POU6F2: variants seen among roughly 807,000 people sequenced by gnomAD.
POU6F2 encodes the protein POU domain, class 6, transcription factor 2.
POU6F2 carries 31 observed loss-of-function variants against 71.3 expected under a neutral mutation model. The ratio of observed to expected loss-of-function variants is 0.43; its 90% CI spans 0.33 to 0.59. The LOEUF is 0.59. Among genes scored for constraint, POU6F2 ranks in the 20% least tolerant of loss-of-function variants. The pLI is 0.04. For synonymous variants in POU6F2, 347 were observed against 355.7 expected, an observed-to-expected ratio of 0.98 and a Z score of 0.27; for missense variants, 783 against 856.8, an observed-to-expected ratio of 0.91 and a Z score of 1.07.
intron 1 of POU6F2, among the ~76,000 whole-genome samples, chr7:38,978,637 T>G (rs1238071755): frequency 6.6e-6 from 1 of 152,188 alleles, no homozygotes; most frequent in Non-Finnish European, 1.5e-5. Flanking sequence ...TTAAACACTG[T>G]CACAATCTTG....
chr7:39,253,601 C>T (rs1022552701), intron 4 of POU6F2, among the ~76,000 whole-genome samples: 2 of 152,116 alleles, frequency 1.3e-5, no homozygotes, highest in East Asian at 3.9e-4. Context: ...TCACTGCTGC[C>T]CATCGCCTAA....
intron 1 of POU6F2, among the ~76,000 whole-genome samples, chr7:39,017,274 A>C (rs1339907914): frequency 6.6e-6 from 1 of 152,160 alleles, no homozygotes; most frequent in Non-Finnish European, 1.5e-5. Flanking sequence ...CCTAACAATG[A>C]GCAAAATATG....
intron 5 of POU6F2, among the ~76,000 whole-genome samples, chr7:39,348,094 A>G (rs986448038): frequency 2.1e-5 from 3 of 144,544 alleles, no homozygotes; most frequent in Non-Finnish European, 1.5e-5. Flanking sequence ...GTTACATCTA[A>G]AACTTTCAAT....
intron 6 of POU6F2, among the ~76,000 whole-genome samples, chr7:39,428,859 G>A (rs1471460944): frequency 1.3e-4 from 20 of 151,062 alleles, no homozygotes; most frequent in East Asian, 7.8e-4. Context: ...GCAAAGTATC[G>A]CAAGGACAGA....
rs570886260 is a variant in POU6F2 at position 39,255,509 on chromosome 7, G to A, written c.598+47889G>A. Among the ~76,000 whole-genome samples, 3 of 152,158 alleles carry A rather than the reference G, an allele frequency of 2.0e-5. No individual in the cohort carries two copies. The East Asian group carries it at 5.8e-4, about 29-fold the overall frequency. Reference sequence around the variant, plus strand: ...ATGAAGAAGCTGACATGTATTTGGTGGTCAATAAATGTTTGGGGTATTAAT... The same window carrying A: ...ATGAAGAAGCTGACATGTATTTGGTAGTCAATAAATGTTTGGGGTATTAAT... On this transcript the variant is annotated intron_variant, in intron 4 of 9. Coordinates refer to ENST00000518318, the MANE Select transcript of POU6F2 (RefSeq NM_001370959.1).
intron 1 of POU6F2, among the ~76,000 whole-genome samples, chr7:39,023,939 A>C (rs989443452): frequency 8.5e-5 from 13 of 152,092 alleles, no homozygotes; most frequent in Non-Finnish European, 1.8e-4. Context: ...ACTTCTTTTG[A>C]GTTTATTTTA....
At chr7:39,006,754 T>C in intron 1 of POU6F2, 3 of 1,189,768 alleles carry the variant, frequency 2.5e-6, no homozygotes, top group Non-Finnish European at 2.5e-6. Context: ...GGTTTTCTTC[T>C]AGGCATGAAC....
intron 2 of POU6F2, among the ~76,000 whole-genome samples, chr7:39,091,857 G>C (rs117873111): frequency 0.014 from 2,074 of 152,314 alleles, 20 homozygotes; most frequent in Non-Finnish European, 0.021. Context: ...TGTTTGTTAT[G>C]AGACAGCCAA....
chr7:39,242,274 A>C (rs1456718255), intron 4 of POU6F2, among the ~76,000 whole-genome samples: 2 of 152,092 alleles, frequency 1.3e-5, no homozygotes, highest in Non-Finnish European at 2.9e-5. Flanking sequence ...TAACTGCCAA[A>C]CAGCTTTCAA....
intron 4 of POU6F2, among the ~76,000 whole-genome samples, chr7:39,316,203 A>G (rs1011316837): frequency 2.0e-5 from 3 of 152,172 alleles, no homozygotes; most frequent in African/African-American, 4.8e-5. Context: ...TCTTTTCAGC[A>G]TTCCTGTTTT....
At chr7:39,119,787 A>C (rs1396402064) in intron 2 of POU6F2, among the ~76,000 whole-genome samples, 2 of 152,204 alleles carry the variant, frequency 1.3e-5, no homozygotes, top group Non-Finnish European at 2.9e-5. Flanking sequence ...TTATGACCCA[A>C]AATAAATTAA....
At chr7:39,398,391 T>TAA (rs75282740) in intron 5 of POU6F2, among the ~76,000 whole-genome samples, 14 of 116,990 alleles carry the variant, frequency 1.2e-4, no homozygotes, top group African/African-American at 3.5e-4. Flanking sequence ...TATATAAAAG[T>TAA]AAAAAAAAAA....
At chr7:39,373,491 G>A (rs1472830447) in intron 5 of POU6F2, 2 of 456,700 alleles carry the variant, frequency 4.4e-6, no homozygotes, top group East Asian at 1.4e-4. Context: ...TGCACCCAAG[G>A]AGGAGTATGG....
At chr7:39,311,695 G>A (rs1583515839) in intron 4 of POU6F2, among the ~76,000 whole-genome samples, 1 of 151,952 alleles carries the variant, frequency 6.6e-6, no homozygotes, top group African/African-American at 2.4e-5. Context: ...AGAGAGCAGT[G>A]GCTATAGCTG....
At chr7:39,373,414 AC>A in intron 5 of POU6F2, 6 of 456,524 alleles carry the variant, frequency 1.3e-5, no homozygotes, top group South Asian at 9.3e-5. Context: ...CCAAGAGCCA[AC>A]AGTCATGTTC....
At chr7:39,071,669 AC>A (rs1440143613) in intron 1 of POU6F2, among the ~76,000 whole-genome samples, 1 of 84,500 alleles carries the variant, frequency 1.2e-5, no homozygotes, top group African/African-American at 3.9e-5. Context: ...ACACACACAC[AC>A]ACACACACAC....
At chr7:39,248,135 T>C (rs1052493991) in intron 4 of POU6F2, among the ~76,000 whole-genome samples, 1 of 152,196 alleles carries the variant, frequency 6.6e-6, no homozygotes, top group African/African-American at 2.4e-5. Context: ...GTGGCATTAC[T>C]ACTCTGGGAG....
chr7:39,013,257 A>T (rs894095386), intron 1 of POU6F2: 1 of 153,044 alleles, frequency 6.5e-6, no homozygotes, highest in African/African-American at 2.4e-5. Flanking sequence ...CCAGTCCGAA[A>T]AGCGCAATAT....
chr7:39,260,018 A>G (rs976483633), intron 4 of POU6F2, among the ~76,000 whole-genome samples: 4 of 147,832 alleles, frequency 2.7e-5, no homozygotes, highest in Non-Finnish European at 6.0e-5. Flanking sequence ...ACACCATACC[A>G]TGCTCACACC....
Sources: gnomAD v4.1 joint callset for allele counts (sites outside exome capture counted in the v4.1 genomes callset) on GRCh38, gnomAD v4.1.1 for gene constraint, MANE v1.5 for transcripts, NCBI Gene and HGNC (gene_info 2026-07-23, HGNC 2026-07-21) for gene names.